NCALD: variants seen among roughly 807,000 people sequenced by gnomAD.
NCALD encodes neurocalcin-delta.
Under a neutral mutation model 18.6 loss-of-function variants are expected in NCALD, and 10 were observed. The ratio of observed to expected loss-of-function variants is 0.54; its 90% CI spans 0.33 to 0.91. NCALD has a LOEUF of 0.91. NCALD is among the 40% of genes least tolerant of loss of function. The pLI is 0.03. For synonymous variants in NCALD, 88 were observed against 87.4 expected, an observed-to-expected ratio of 1.01 and a Z score of -0.04; for missense variants, 184 against 247.6, an observed-to-expected ratio of 0.74 and a Z score of 1.72.
At chr8:101,888,192 G>A (rs1416834361) in intron 3 of NCALD, among the ~76,000 whole-genome samples, 2 of 152,122 alleles carry the variant, frequency 1.3e-5, no homozygotes, top group Non-Finnish European at 2.9e-5. Flanking sequence ...AGAGACATTG[G>A]GGTTAGAGGA....
At chr8:101,992,651 A>G (rs1821090137) in intron 2 of NCALD, among the ~76,000 whole-genome samples, 1 of 152,178 alleles carries the variant, frequency 6.6e-6, no homozygotes, top group African/African-American at 2.4e-5. Flanking sequence ...AGGCTGAAAG[A>G]GCGAACACAT....
chr8:102,005,439 C>T (rs1409554978), intron 2 of NCALD, among the ~76,000 whole-genome samples: 2 of 152,164 alleles, frequency 1.3e-5, no homozygotes, highest in Non-Finnish European at 2.9e-5. Flanking sequence ...GGACTGTAAA[C>T]TAGTTCAACC....
intron 2 of NCALD, among the ~76,000 whole-genome samples, chr8:101,978,205 A>C (rs1054060401): frequency 6.6e-6 from 1 of 151,968 alleles, no homozygotes; most frequent in Non-Finnish European, 1.5e-5. Context: ...ATGTATCCCA[A>C]CTATGTTTAC....
intron 2 of NCALD, among the ~76,000 whole-genome samples, chr8:101,998,941 T>C (rs1821337949): frequency 6.6e-6 from 1 of 152,140 alleles, no homozygotes; most frequent in Non-Finnish European, 1.5e-5. Context: ...CCTTCTCTTT[T>C]AGCAAACTTA....
At chr8:102,083,807 C>A (rs1023109985) in intron 1 of NCALD, among the ~76,000 whole-genome samples, 1 of 152,216 alleles carries the variant, frequency 6.6e-6, no homozygotes, top group African/African-American at 2.4e-5. Flanking sequence ...TAACTTTCTC[C>A]CATTTTCTGA....
chr8:102,026,033 T>C (rs1822442720), intron 1 of NCALD, among the ~76,000 whole-genome samples: 1 of 152,050 alleles, frequency 6.6e-6, no homozygotes, highest in Admixed American at 6.6e-5. Context: ...CATCAGATAT[T>C]GTAAGAACTC....
chr8:102,012,051 G>C (rs1181710358), intron 2 of NCALD, among the ~76,000 whole-genome samples: 2 of 152,188 alleles, frequency 1.3e-5, no homozygotes, highest in Non-Finnish European at 2.9e-5. Flanking sequence ...CCACTGTGAG[G>C]TGTAAAGTTT....
In NCALD at chr8:102,001,228, C is replaced by T. The variant is rs1162948973; in HGVS notation, c.-157+19009G>A. Among the ~76,000 whole-genome samples the T allele has an allele frequency of 5.3e-5, 8 of 152,184 alleles. No individual in the cohort carries two copies. In the East Asian group the frequency reaches 1.2e-3, roughly 22 times the overall value. ...CATGGCACGAGAACTACGTGATGAA[C>T]GCACAAGCCTCAGTAGCTGATTCGA... On this transcript the variant is annotated intron_variant, in intron 2 of 6. Transcript: ENST00000311028.
At chr8:101,764,507 T>C (rs887580513) in intron 1 of NCALD, among the ~76,000 whole-genome samples, 5 of 152,080 alleles carry the variant, frequency 3.3e-5, no homozygotes, top group Admixed American at 6.5e-5. Context: ...CAAAGTCCCA[T>C]TGGAGTGGGT....
chr8:102,047,374 C>T (rs1268004041), intron 1 of NCALD, among the ~76,000 whole-genome samples: 1 of 152,112 alleles, frequency 6.6e-6, no homozygotes, highest in Non-Finnish European at 1.5e-5. Context: ...ATTTCCAATG[C>T]CATTGATATA....
At chr8:101,978,613 A>G (rs576693812) in intron 2 of NCALD, among the ~76,000 whole-genome samples, 1 of 152,210 alleles carries the variant, frequency 6.6e-6, no homozygotes, top group African/African-American at 2.4e-5. Flanking sequence ...ATGGAACTCA[A>G]CCCTTCAACT....
intron 1 of NCALD, among the ~76,000 whole-genome samples, chr8:101,784,816 A>G (rs1323921608): frequency 6.6e-6 from 1 of 152,166 alleles, no homozygotes; most frequent in African/African-American, 2.4e-5. Flanking sequence ...AAATTTTTTT[A>G]ATGTGGTAAT....
At chr8:101,905,320 C>T (rs1192149174) in intron 3 of NCALD, among the ~76,000 whole-genome samples, 1 of 150,460 alleles carries the variant, frequency 6.6e-6, no homozygotes, top group African/African-American at 2.4e-5. Context: ...TTCTCTTTTC[C>T]CTGGGGGTAT....
intron 2 of NCALD, among the ~76,000 whole-genome samples, chr8:101,965,938 A>T (rs910187574): frequency 3.3e-5 from 5 of 152,198 alleles, no homozygotes; most frequent in Admixed American, 3.3e-4. Flanking sequence ...TAGATCAAAA[A>T]GGGTAAATTG....
At chr8:102,026,539 G>A (rs763436120) in intron 1 of NCALD, among the ~76,000 whole-genome samples, 27 of 152,220 alleles carry the variant, frequency 1.8e-4, no homozygotes, top group Non-Finnish European at 3.7e-4. Flanking sequence ...GATGCAAGAG[G>A]TGGGCTCCCA....
At chr8:101,966,471 G>A (rs1820035699) in intron 2 of NCALD, among the ~76,000 whole-genome samples, 2 of 146,774 alleles carry the variant, frequency 1.4e-5, no homozygotes, top group Admixed American at 1.4e-4. Flanking sequence ...ATCACACACT[G>A]GGGACTGTTG....
chr8:101,770,452 T>A (rs1289722726), intron 1 of NCALD, among the ~76,000 whole-genome samples: 2 of 152,248 alleles, frequency 1.3e-5, no homozygotes, highest in African/African-American at 4.8e-5. Flanking sequence ...AACAGATTCC[T>A]TCTTACTCTC....
At chr8:101,723,394 T>C (rs537955115) in intron 1 of NCALD, among the ~76,000 whole-genome samples, 3 of 152,106 alleles carry the variant, frequency 2.0e-5, no homozygotes, top group Non-Finnish European at 4.4e-5. Context: ...CAAAATTGAG[T>C]TCAAAATTAC....
intron 4 of NCALD, among the ~76,000 whole-genome samples, chr8:101,809,751 G>T (rs1813238468): frequency 6.6e-6 from 1 of 152,054 alleles, no homozygotes; most frequent in African/African-American, 2.4e-5. Flanking sequence ...CACCATGTTG[G>T]CCAGACTGGT....
Sources: gnomAD v4.1 joint callset for allele counts (sites outside exome capture counted in the v4.1 genomes callset) on GRCh38, gnomAD v4.1.1 for gene constraint, MANE v1.5 for transcripts, NCBI Gene and HGNC (gene_info 2026-07-23, HGNC 2026-07-21) for gene names.